Variants in XRCC1 observed in about 807,000 individuals in gnomAD.
The protein encoded by XRCC1 is X-ray repair cross complementing 1.
Under a neutral mutation model 83.3 loss-of-function variants are expected in XRCC1, and 52 were observed. That is an observed-to-expected ratio of 0.62 (90% CI 0.50 to 0.79). XRCC1 has a LOEUF of 0.79. Among genes scored for constraint, XRCC1 ranks in the 30% least tolerant of loss-of-function variants. XRCC1 has a pLI of 0.00. For synonymous variants in XRCC1, 281 were observed against 312.6 expected, an observed-to-expected ratio of 0.90 and a Z score of 1.07; for missense variants, 793 against 823.5, an observed-to-expected ratio of 0.96 and a Z score of 0.45.
intron 3 of XRCC1, 150 bp from the exon 4 acceptor site, chr19:43,554,954 T>C: frequency 2.5e-6 from 2 of 794,414 alleles, no homozygotes; most frequent in Non-Finnish European, 3.8e-6. Flanking sequence ...AGACCCTTTG[T>C]TTCTAGGCCT....
At chr19:43,569,067 C>T (rs1972782147) in intron 2 of XRCC1, among the ~76,000 whole-genome samples, 1 of 150,718 alleles carries the variant, frequency 6.6e-6, no homozygotes, top group African/African-American at 2.4e-5. Context: ...CACCTGAGAT[C>T]AACAGTTCAA....
At chr19:43,560,391 C>T (rs1972685735) in intron 3 of XRCC1, among the ~76,000 whole-genome samples, 1 of 149,916 alleles carries the variant, frequency 6.7e-6, no homozygotes, top group Non-Finnish European at 1.5e-5. Flanking sequence ...CAGAGCGAGA[C>T]TCCGTCTCAA....
At chr19:43,566,211 G>C (rs1305835180) in intron 2 of XRCC1, among the ~76,000 whole-genome samples, 3 of 151,690 alleles carry the variant, frequency 2.0e-5, no homozygotes, top group Admixed American at 1.3e-4. Flanking sequence ...ACTCCAGCCT[G>C]GGTGACAGAG....
At chr19:43,560,379 G>C (rs753671329) in intron 3 of XRCC1, among the ~76,000 whole-genome samples, 1 of 150,050 alleles carries the variant, frequency 6.7e-6, no homozygotes, top group East Asian at 2.0e-4. Context: ...CAGCCTGGGC[G>C]ACAGAGCGAG....
intron 12 of XRCC1, 29 bp from the exon 13 acceptor site, chr19:43,546,135 G>A (rs1972507047): frequency 1.2e-6 from 2 of 1,612,942 alleles, no homozygotes; most frequent in South Asian, 2.2e-5. Context: ...TCAATGCAAG[G>A]CTGCCTTGTC....
Position 43,543,354 on chromosome 19 carries a change from G to C in XRCC1, c.*38C>G. The C allele has an allele frequency of 1.7e-6, 2 of 1,176,856 alleles. No homozygotes were observed. Among genetic ancestry groups the C allele is most frequent in the Non-Finnish European group, 2.4e-6 (2 of 837,442 alleles). The allele number at this position is 1,176,856 out of a possible 1,614,324, so 72.9% of individuals were successfully genotyped here. ...TATTAAATGCATCGTGTGTGTGTGT[G>C]TGTGTGTGTGTGTGTGTGTGTGTGT... On this transcript the variant is annotated 3_prime_UTR_variant, in exon 17 of 17. Coordinates refer to ENST00000262887, the MANE Select transcript of XRCC1 (RefSeq NM_006297.3).
At chr19:43,566,184 C>T (rs1292026188) in intron 2 of XRCC1, among the ~76,000 whole-genome samples, 1 of 150,748 alleles carries the variant, frequency 6.6e-6, no homozygotes, top group Non-Finnish European at 1.5e-5. Flanking sequence ...TGCAGCGAAC[C>T]GAAATCATGC....
At chr19:43,560,268 C>T (rs1352921070) in intron 3 of XRCC1, among the ~76,000 whole-genome samples, 1 of 151,322 alleles carries the variant, frequency 6.6e-6, no homozygotes, top group Non-Finnish European at 1.5e-5. Flanking sequence ...TGGTGGTGGG[C>T]ACCTGTAGTC....
chr19:43,558,520 T>G (rs1394754287), intron 3 of XRCC1, among the ~76,000 whole-genome samples: 4 of 151,674 alleles, frequency 2.6e-5, no homozygotes, highest in Non-Finnish European at 5.9e-5. Context: ...CACTAGCTAC[T>G]TGGGGGGCTG....
At chr19:43,562,866 A>G (rs1470958674) in intron 2 of XRCC1, among the ~76,000 whole-genome samples, 1 of 152,200 alleles carries the variant, frequency 6.6e-6, no homozygotes, top group Admixed American at 6.5e-5. Context: ...TCCTGCTAAT[A>G]ATACATGTAT....
At chr19:43,558,613 A>C (rs976937484) in intron 3 of XRCC1, among the ~76,000 whole-genome samples, 9 of 152,084 alleles carry the variant, frequency 5.9e-5, no homozygotes, top group Admixed American at 4.6e-4. Context: ...TGAGCAACAG[A>C]GTGAGACCCC....
At chr19:43,575,079 G>A in intron 1 of XRCC1, 77 bp from the exon 2 acceptor site, 1 of 1,256,020 alleles carries the variant, frequency 8.0e-7, no homozygotes, top group Non-Finnish European at 1.2e-6. Context: ...TGATTCCTTT[G>A]AGTCCTCCCA....
rs1972478133 is a variant in XRCC1 at position 43,543,630 on chromosome 19, C to T, written c.1770G>A (p.Trp590Ter). 6.2e-7 allele frequency: 1 copy of T among 1,613,790 alleles called. No individual in the cohort carries two copies. Among genetic ancestry groups the T allele is most frequent in the African/African-American group, 1.3e-5 (1 of 74,812 alleles). The change falls in exon 16 of 17, where the codon TGG becomes TGA. Residue 590 changes from tryptophan to a stop codon, truncating the protein, a stop_gained. Transcript: ENST00000262887. LOFTEE classifies it high-confidence loss of function. Reference protein sequence around the residue: ...RVQFVITAQEWDPSFEEALMD... With the variant: ...RVQFVITAQE ...TACTCACCTCCTCAAAGCTGGGATC[C>T]CATTCCTGTGCTGTGATCACAAACT...
At chr19:43,546,792 G>C (rs1434445220) in intron 11 of XRCC1, 65 bp from the exon 12 acceptor site, 2 of 1,592,892 alleles carry the variant, frequency 1.3e-6, no homozygotes. Flanking sequence ...GGGGGTACCT[G>C]CAAGAGGCAA....
chr19:43,543,916 G>A (rs1972481927), intron 15 of XRCC1, among the ~76,000 whole-genome samples: 1 of 152,094 alleles, frequency 6.6e-6, no homozygotes, highest in South Asian at 2.1e-4. Flanking sequence ...GGTAGGGGTA[G>A]GGATCCTCGC....
chr19:43,552,655 C>T (rs1214192825), intron 8 of XRCC1, 142 bp downstream of exon 8: 6 of 809,770 alleles, frequency 7.4e-6, no homozygotes, highest in African/African-American at 1.7e-5. Context: ...AATCCAGGCC[C>T]CCAGCCCCTC....
chr19:43,571,425 T>C (rs1972805661), intron 2 of XRCC1, among the ~76,000 whole-genome samples: 1 of 152,230 alleles, frequency 6.6e-6, no homozygotes, highest in Non-Finnish European at 1.5e-5. Context: ...AGTTCCTCCA[T>C]AGCACTCATC....
chr19:43,564,951 C>T (rs1289924561), intron 2 of XRCC1, among the ~76,000 whole-genome samples: 2 of 152,130 alleles, frequency 1.3e-5, no homozygotes, highest in Non-Finnish European at 2.9e-5. Flanking sequence ...TTCGGCTTCT[C>T]GAGGCCACCT....
chr19:43,554,978 C>G, intron 3 of XRCC1, 174 bp from the exon 4 acceptor site: 1 of 611,950 alleles, frequency 1.6e-6, no homozygotes, highest in Non-Finnish European at 2.7e-6. Flanking sequence ...GTCAGTCCTG[C>G]CCTGACACAG....
Sources: gnomAD v4.1 joint callset for allele counts (sites outside exome capture counted in the v4.1 genomes callset) on GRCh38, gnomAD v4.1.1 for gene constraint, MANE v1.5 for transcripts, NCBI Gene and HGNC (gene_info 2026-07-23, HGNC 2026-07-21) for gene names.